The following HIBCH variants were observed in gnomAD, a reference collection of about 807,000 sequenced individuals.
The protein encoded by HIBCH is 3-hydroxyisobutyryl-CoA hydrolase, mitochondrial.
A neutral mutation model predicts 58.2 loss-of-function variants in HIBCH; 50 were observed. That is an observed-to-expected ratio of 0.86 (90% CI 0.68 to 1.09). The LOEUF (loss-of-function observed/expected upper bound fraction) is 1.09. Ranked by LOEUF, HIBCH falls within the 50% of genes least tolerant of loss-of-function variation. HIBCH has a pLI of 0.00. For missense variants in HIBCH, 450 were observed against 449.7 expected, an observed-to-expected ratio of 1.00 and a Z score of -0.01; for synonymous variants, 151 against 146.9, an observed-to-expected ratio of 1.03 and a Z score of -0.20.
At chr2:190,196,371 C>A (rs980182776) in intron 1 of HIBCH, among the ~76,000 whole-genome samples, 1 of 152,080 alleles carries the variant, frequency 6.6e-6, no homozygotes, top group African/African-American at 2.4e-5. Context: ...ACATCTTGTA[C>A]ATTTCAGTTA....
At chr2:190,286,001 C>A (rs1687818972) in intron 6 of HIBCH, among the ~76,000 whole-genome samples, 2 of 152,076 alleles carry the variant, frequency 1.3e-5, no homozygotes, top group Admixed American at 1.3e-4. Flanking sequence ...ACCATCACAC[C>A]CAACTGATTT....
chr2:190,232,894 C>A (rs983676852), intron 11 of HIBCH, among the ~76,000 whole-genome samples: 6 of 151,896 alleles, frequency 4.0e-5, no homozygotes, highest in African/African-American at 1.5e-4. Context: ...GGAGGCGGAG[C>A]TTGCAGTGAG....
chr2:190,196,606 T>A (rs942908660), intron 1 of HIBCH, among the ~76,000 whole-genome samples: 1 of 151,892 alleles, frequency 6.6e-6, no homozygotes, highest in African/African-American at 2.4e-5. Flanking sequence ...ATGGTAGGCA[T>A]TGTGAATAAT....
At chr2:190,309,574 TA>T (rs1688506035) in intron 2 of HIBCH, among the ~76,000 whole-genome samples, 1 of 151,612 alleles carries the variant, frequency 6.6e-6, no homozygotes, top group African/African-American at 2.4e-5. Flanking sequence ...TTTTTTTTTT[TA>T]AGACAGAGTC....
chr2:190,199,659 T>C (rs966267282), downstream of HIBCH: 7 of 1,342,982 alleles, frequency 5.2e-6, no homozygotes, highest in Non-Finnish European at 6.8e-6. Context: ...TATTTTGCAT[T>C]CTGTAACTTC....
Position 190,213,031 on chromosome 2 carries a change from C to T in HIBCH, c.936G>A (p.Arg312=). 6.2e-7 allele frequency: 1 copy of T among 1,609,638 alleles called. No individual in the cohort carries two copies. The highest frequency in any genetic ancestry group is 1.7e-4 in the Middle Eastern group (1 of 6,002). The change falls in exon 12 of 14, where the codon AGG becomes AGA. Residue 312 remains arginine (R), a synonymous_variant. Transcript: ENST00000359678. ...MSPTSLKITL[R]QLMEGSSKTL... is the part of the protein sequence containing the mutation. ...TCTTTGAAGACCCCTCCATGAGTTG[C>T]CTTAGTGTGATCTTTAGAGATGTTG... is the stretch of plus-strand genomic sequence containing the variant.
Position 190,217,561 on chromosome 2 carries a change from A to G in HIBCH, c.892-4486T>C, listed in dbSNP as rs984419429. On this transcript the variant is annotated intron_variant, in intron 11 of 13. Transcript: ENST00000359678. The surrounding 1 kb of genome is among the most constrained non-coding windows in gnomAD (Gnocchi z 4.6). ...AAGCAGGACTACTAACCTTTCTACT[A>G]TGAAAATCAAAGACCAATTTTTTAA... 1.3e-5 allele frequency among the ~76,000 whole-genome samples: 2 copies of G among 152,182 alleles called. No individual in the cohort carries two copies. Among genetic ancestry groups the G allele is most frequent in the African/African-American group, 2.4e-5 (1 of 41,430 alleles).
At position 190,306,506 on chromosome 2, in the gene HIBCH, A is replaced by G. The variant is rs1342846347; in HGVS notation, c.78+4248T>C. Among the ~76,000 whole-genome samples the G allele has an allele frequency of 6.6e-6, 1 of 152,164 alleles. No homozygotes were observed. Among genetic ancestry groups the G allele is most frequent in the East Asian group, 1.9e-4 (1 of 5,188 alleles). On this transcript the variant is annotated intron_variant, in intron 2 of 13. Transcript: ENST00000359678. The surrounding 1 kb of genome is among the most constrained non-coding windows in gnomAD (Gnocchi z 4.6). The stretch of plus-strand genomic sequence containing the variant: ...AAAACCAGCAGGTTTCCCAAATTGC[A>G]TGACAGTTGTACTGTCATGCAATAT...
At chr2:190,200,234 A>ATAAC (rs1690187456), downstream of HIBCH, 2 of 1,059,462 alleles carry the variant, frequency 1.9e-6, no homozygotes, top group Admixed American at 2.0e-5. Context: ...AAAAGTACAA[A>ATAAC]TAACTATCTG....
At chr2:190,264,907 G>A (rs1687189954) in intron 6 of HIBCH, among the ~76,000 whole-genome samples, 2 of 151,986 alleles carry the variant, frequency 1.3e-5, no homozygotes. Context: ...CGGGTCACCT[G>A]AGATCAGGAG....
chr2:190,298,499 C>A (rs575259022), intron 2 of HIBCH, among the ~76,000 whole-genome samples: 1 of 152,088 alleles, frequency 6.6e-6, no homozygotes, highest in Middle Eastern at 3.2e-3. Flanking sequence ...CTCTAATGAC[C>A]AGTAATAATG....
intron 5 of HIBCH, among the ~76,000 whole-genome samples, chr2:190,287,880 A>G (rs890322043): frequency 3.3e-5 from 5 of 152,138 alleles, no homozygotes; most frequent in South Asian, 2.1e-4. Context: ...GCCAGGGCCC[A>G]GTGTGGTGGC....
intron 5 of HIBCH, among the ~76,000 whole-genome samples, 161 bp from the exon 6 acceptor site, chr2:190,287,799 T>A (rs1687868685): frequency 6.6e-6 from 1 of 152,216 alleles, no homozygotes; most frequent in Non-Finnish European, 1.5e-5. Context: ...TACATATTTT[T>A]AAATGTCAAT....
intron 1 of HIBCH, among the ~76,000 whole-genome samples, chr2:190,312,262 A>G (rs914617576): frequency 1.3e-5 from 2 of 152,212 alleles, no homozygotes; most frequent in South Asian, 2.1e-4. Context: ...AAATGTCCTA[A>G]AAGACATAGC....
chr2:190,273,173 A>T (rs1687451238), intron 6 of HIBCH, among the ~76,000 whole-genome samples: 1 of 152,158 alleles, frequency 6.6e-6, no homozygotes, highest in African/African-American at 2.4e-5. Context: ...CAGGTGGATC[A>T]CTTGAGGTCA....
At chr2:190,295,624 G>A (rs1688085003) in intron 3 of HIBCH, among the ~76,000 whole-genome samples, 1 of 152,292 alleles carries the variant, frequency 6.6e-6, no homozygotes, top group African/African-American at 2.4e-5. Flanking sequence ...CTGGAAAGAC[G>A]TGATTGTCCA....
At chr2:190,293,939 AAG>A (rs140617466) in intron 4 of HIBCH, among the ~76,000 whole-genome samples, 2,077 of 148,324 alleles carry the variant, frequency 0.014, 57 homozygotes, top group African/African-American at 0.048. Flanking sequence ...ATGAAAAATA[AAG>A]AGAGTTTCTC....
At position 190,206,082 on chromosome 2, in the gene HIBCH, G is replaced by A. The variant is rs1229769207; in HGVS notation, c.1046-850C>T. On this transcript the variant is annotated intron_variant, in intron 13 of 13. Transcript: ENST00000359678. This position sits in a 1 kb window ranked among gnomAD's most constrained non-coding sequence, Gnocchi z 5.1. ...TTGTGAAGAATGGAAATATTTAAAT[G>A]TGCAAACTATAGTGAACTAGAAAAA... 6.6e-6 allele frequency among the ~76,000 whole-genome samples: 1 copy of A among 152,182 alleles called. No homozygotes were observed. The highest frequency in any genetic ancestry group is 1.5e-5 in the Non-Finnish European group (1 of 68,036).
At chr2:190,248,508 GAGTA>G (rs1304597079) in intron 9 of HIBCH, among the ~76,000 whole-genome samples, 1 of 152,136 alleles carries the variant, frequency 6.6e-6, no homozygotes, top group Non-Finnish European at 1.5e-5. Context: ...TTTCTCTAAG[GAGTA>G]AGTATCTACT....
Sources: gnomAD v4.1 joint callset for allele counts (sites outside exome capture counted in the v4.1 genomes callset) on GRCh38, gnomAD v4.1.1 for gene constraint, Gnocchi (gnomAD v3.1) non-coding constraint, MANE v1.5 for transcripts, NCBI Gene and HGNC (gene_info 2026-07-23, HGNC 2026-07-21) for gene names.